HEATR9: variants seen among roughly 807,000 people sequenced by gnomAD.
The protein encoded by HEATR9 is protein HEATR9.
HEATR9 carries 54 observed loss-of-function variants against 68.2 expected under a neutral mutation model. That is an observed-to-expected ratio of 0.79 (90% CI 0.64 to 0.99). The LOEUF (loss-of-function observed/expected upper bound fraction) is 0.99. Ranked by LOEUF, HEATR9 falls within the 50% of genes least tolerant of loss-of-function variation. The pLI is 0.00. For missense variants in HEATR9, 662 were observed against 679.7 expected, an observed-to-expected ratio of 0.97 and a Z score of 0.29; for synonymous variants, 241 against 253.5, an observed-to-expected ratio of 0.95 and a Z score of 0.47.
intron 8 of HEATR9, among the ~76,000 whole-genome samples, chr17:35,859,644 C>T (rs1388125498): frequency 2.0e-5 from 3 of 152,232 alleles, no homozygotes; most frequent in African/African-American, 4.8e-5. Flanking sequence ...CTTACCCACT[C>T]TTGCTTCATT....
At position 35,855,399 on chromosome 17, in the gene HEATR9, T is replaced by C. The variant is rs558848276; in HGVS notation, c.1377A>G (p.Thr459=). 107 of 1,612,922 alleles carry C rather than the reference T, an allele frequency of 6.6e-5. No homozygotes were observed. The South Asian group carries it at 1.0e-3, about 16-fold the overall frequency. Residue 459 remains threonine, a synonymous_variant, in exon 15 of 15, where the codon ACA becomes ACG. Coordinates refer to ENST00000604834, the MANE Select transcript of HEATR9 (RefSeq NM_152781.4). ...GATCAATTGAGGCACAAAGGATTAA[T>C]GTTTCTTGTAGCTGCATTGAAACAA... ...HQAVKKSLQE[T]LILCASIDPW...
At chr17:35,856,684 C>G (rs763614669) in intron 12 of HEATR9, 48 bp downstream of exon 12, 1 of 1,519,146 alleles carries the variant, frequency 6.6e-7, no homozygotes, top group Non-Finnish European at 9.0e-7. Context: ...CCCTCTGCCC[C>G]CTTCCCACAG....
rs2087850935 is a variant in HEATR9, at chr17:35,858,331, G to T, written c.1033-12C>A. The stretch of plus-strand genomic sequence containing the variant: ...GCTTCAAAGCGGTCCTGAGGTCGGG[G>T]GTGAGGGTTAGTGGGGAGGTGTGAA... On this transcript the variant is annotated splice_polypyrimidine_tract_variant and intron_variant, in intron 10 of 14. Coordinates refer to ENST00000604834, the MANE Select transcript of HEATR9 (RefSeq NM_152781.4). 6.2e-7 allele frequency: 1 copy of T among 1,614,164 alleles called. No homozygotes were observed. The highest frequency in any genetic ancestry group is 2.2e-5 in the East Asian group (1 of 44,884).
At chr17:35,864,399 C>A in intron 5 of HEATR9, 97 bp from the exon 6 acceptor site, 1 of 1,532,890 alleles carries the variant, frequency 6.5e-7, no homozygotes, top group Non-Finnish European at 9.0e-7. Context: ...GCTTGGAATA[C>A]CATCCCCACA....
chr17:35,863,449 G>T (rs770225186), intron 7 of HEATR9, 53 bp downstream of exon 7: 3 of 1,571,542 alleles, frequency 1.9e-6, no homozygotes, highest in Non-Finnish European at 2.6e-6. Flanking sequence ...TTACCCAAAG[G>T]AGAAAGTGGT....
At position 35,864,770 on chromosome 17, in the gene HEATR9, C is replaced by G; in HGVS notation, c.441G>C (p.Trp147Cys). ...PLEPTQDPLK[W>C]QRLRELTKSL... is the part of the protein sequence containing the mutation. ...ACATGGTCCTGACCCTTAATCTTTGCCACTTCAGGGGGTCCTGGGTAGGCT... is the reference window on the plus strand; with the variant it reads ...ACATGGTCCTGACCCTTAATCTTTGGCACTTCAGGGGGTCCTGGGTAGGCT... The change falls in exon 4 of 15, where the codon TGG becomes TGC. Residue 147 changes from tryptophan (W) to cysteine (C), a missense_variant. Transcript: ENST00000604834. The G allele has an allele frequency of 6.2e-7, 1 of 1,614,162 alleles. No individual in the cohort carries two copies. The highest frequency in any genetic ancestry group is 8.5e-7 in the Non-Finnish European group (1 of 1,180,032).
chr17:35,863,435 G>T, intron 7 of HEATR9, 67 bp downstream of exon 7: 1 of 1,514,414 alleles, frequency 6.6e-7, no homozygotes, highest in Non-Finnish European at 9.2e-7. Flanking sequence ...TCACCCATTT[G>T]TCCTTACCCA....
At position 35,855,235 on chromosome 17, in the gene HEATR9, G is replaced by T; in HGVS notation, c.1541C>A (p.Ala514Glu). 15 of 1,614,172 alleles carry T rather than the reference G, an allele frequency of 9.3e-6. No homozygotes were observed. Among genetic ancestry groups the T allele is most frequent in the Non-Finnish European group, 1.3e-5 (15 of 1,180,026 alleles). The part of the protein sequence containing the change: ...EELTIQDFRL[A>E]KLNPLFIAKS... ...TGCAATAAACAAGGGGTTCAGCTTT[G>T]CAAGTCGAAAGTCTTGAATAGTTAA... The change falls in exon 15 of 15, where the codon GCA becomes GAA. Residue 514 changes from alanine to glutamate, a missense_variant. Physicochemically the swap from Ala to Glu is moderately radical, Grantham distance 107. Transcript: ENST00000604834.
chr17:35,866,622 A>G (rs2088205603), intron 2 of HEATR9, 102 bp downstream of exon 2: 1 of 1,104,432 alleles, frequency 9.1e-7, no homozygotes, highest in Admixed American at 1.8e-5. Flanking sequence ...CCCCAGGGGT[A>G]AATGTCAGGG....
chr17:35,858,806 C>G, intron 9 of HEATR9, 82 bp downstream of exon 9: 3 of 1,479,682 alleles, frequency 2.0e-6, no homozygotes, highest in Non-Finnish European at 2.8e-6. Context: ...TGCTCCACCA[C>G]CAGGATGGCA....
chr17:35,863,765 C>CT, intron 6 of HEATR9: 1 of 620,856 alleles, frequency 1.6e-6, no homozygotes, highest in South Asian at 2.0e-5. Flanking sequence ...GTTCAAATCT[C>CT]TATCTGGTAT....
intron 6 of HEATR9, chr17:35,863,904 G>A (rs2088094208): frequency 1.9e-6 from 1 of 534,428 alleles, no homozygotes; most frequent in Non-Finnish European, 3.3e-6. Context: ...TATAAAGAAT[G>A]CATGTTCCCA....
At chr17:35,856,625 C>G in intron 12 of HEATR9, 107 bp downstream of exon 12, 1 of 1,005,384 alleles carries the variant, frequency 9.9e-7, no homozygotes, top group Non-Finnish European at 1.5e-6. Context: ...ACTGTAGGTT[C>G]TCAGCTCTCA....
intron 2 of HEATR9, among the ~76,000 whole-genome samples, chr17:35,865,799 A>T (rs1490747910): frequency 6.6e-6 from 1 of 152,076 alleles, no homozygotes; most frequent in Non-Finnish European, 1.5e-5. Flanking sequence ...TGTGGGGAGG[A>T]TGTGGGATAA....
intron 4 of HEATR9, 37 bp downstream of exon 4, chr17:35,864,721 A>C (rs1440387598): frequency 6.2e-7 from 1 of 1,612,442 alleles, no homozygotes; most frequent in Non-Finnish European, 8.5e-7. Context: ...ACCCACAGGG[A>C]GGGAGTCCCC....
chr17:35,856,038 G>T, intron 13 of HEATR9, 135 bp downstream of exon 13: 3 of 980,990 alleles, frequency 3.1e-6, no homozygotes, highest in Non-Finnish European at 4.6e-6. Context: ...AAAAGGTTCG[G>T]TAGGGCTGGA....
At position 35,864,754 on chromosome 17, in the gene HEATR9, T is replaced by C. The variant is rs762978300; in HGVS notation, c.453+4A>G. 18 of 1,614,096 alleles carry C rather than the reference T, an allele frequency of 1.1e-5. No individual in the cohort carries two copies. The South Asian group carries it at 2.0e-4, about 18-fold the overall frequency. ...CCCCACGTCCTCTCCCACATGGTCC[T>C]GACCCTTAATCTTTGCCACTTCAGG... is the stretch of plus-strand genomic sequence containing the variant. On this transcript the variant is annotated splice_donor_region_variant and intron_variant, in intron 4 of 14. Transcript: ENST00000604834.
At chr17:35,863,369 A>T (rs2088069935) in intron 7 of HEATR9, 133 bp downstream of exon 7, 3 of 1,057,174 alleles carry the variant, frequency 2.8e-6, no homozygotes, top group Non-Finnish European at 4.3e-6. Flanking sequence ...GGTTCAACAT[A>T]ACTGGGATAG....
Position 35,864,887 on chromosome 17 carries a change from G to A in HEATR9, c.324C>T (p.Tyr108=), listed in dbSNP as rs2088138013. ...TGTGGGTTTGATGTACCTCTTTGAT[G>A]TACCTGTGTGAGAAATTGCATAGGC... is the stretch of plus-strand genomic sequence containing the variant. The part of the protein sequence containing the change: ...MLRKMRDDCR[Y]IKEVHQTHIK... Residue 108 remains tyrosine, a synonymous_variant, in exon 4 of 15, where the codon TAC becomes TAT. Transcript: ENST00000604834. 2 of 1,614,086 alleles carry A rather than the reference G, an allele frequency of 1.2e-6. No individual in the cohort carries two copies. Among genetic ancestry groups the A allele is most frequent in the Admixed American group, 1.7e-5 (1 of 60,006 alleles).
Sources: allele counts gnomAD v4.1 joint callset (sites outside exome capture counted in the v4.1 genomes callset), GRCh38; gene constraint gnomAD v4.1.1; transcripts MANE v1.5; gene names NCBI Gene and HGNC (gene_info 2026-07-23, HGNC 2026-07-21).